SPATA13: variants seen among roughly 807,000 people sequenced by gnomAD.
The protein encoded by SPATA13 is spermatogenesis associated 13.
SPATA13 carries 50 observed loss-of-function variants against 104.0 expected under a neutral mutation model. That is an observed-to-expected ratio of 0.48 (90% CI 0.38 to 0.61). SPATA13 has a LOEUF of 0.61. Among genes scored for constraint, SPATA13 ranks in the 20% least tolerant of loss-of-function variants. The pLI is 0.00. For missense variants in SPATA13, 1,524 were observed against 1,690.6 expected (o/e 0.90, Z 1.73); for synonymous variants, 606 against 667.5 (o/e 0.91, Z 1.42).
intron 3 of SPATA13, chr13:24,122,249 T>G (rs1881053488): frequency 1.5e-6 from 2 of 1,318,252 alleles, no homozygotes; most frequent in Non-Finnish European, 2.2e-6. Context: ...AGTCAGAGCC[T>G]GATACCACAC....
chr13:24,262,749 G>A (rs1165732101), intron 4 of SPATA13, among the ~76,000 whole-genome samples: 2 of 152,150 alleles, frequency 1.3e-5, no homozygotes, highest in Non-Finnish European at 2.9e-5. Context: ...TAACTATACA[G>A]GGGACAAAGG....
chr13:24,303,028 A>C lies in SPATA13; in HGVS notation c.*255A>C, dbSNP rs540116633. The C allele has an allele frequency of 2.8e-5, 15 of 532,284 alleles. No individual in the cohort carries two copies. The highest frequency in any genetic ancestry group is 2.3e-4 in the African/African-American group (12 of 52,638). 33.0% of individuals were successfully genotyped at this position (532,284 alleles called of 1,614,324 possible). A position where few individuals can be genotyped will look rare whatever the true frequency, so the allele number is the denominator to read the frequency against. On this transcript the variant is annotated 3_prime_UTR_variant, in exon 13 of 13. Coordinates refer to ENST00000382108, the MANE Select transcript of SPATA13 (RefSeq NM_001166271.3). ...CCCGTGACCCACTATGAGATGGCCC[A>C]GATGTGGGACCCGGTACCATGCTCT...
intron 3 of SPATA13, among the ~76,000 whole-genome samples, chr13:24,251,285 A>G (rs929220120): frequency 2.0e-5 from 3 of 152,204 alleles, no homozygotes; most frequent in Non-Finnish European, 2.9e-5. Flanking sequence ...CTGAAGAAGG[A>G]TGTGAGGATC....
chr13:24,109,582 T>C (rs2104256), intron 3 of SPATA13, among the ~76,000 whole-genome samples: 10,815 of 152,200 alleles, frequency 0.071, 710 homozygotes, highest in African/African-American at 0.17. Context: ...AAGATAGAGA[T>C]AGAGGCAGAG....
chr13:24,300,411 T>A lies in SPATA13; in HGVS notation c.3594T>A (p.Ile1198=), dbSNP rs774641517. The A allele has an allele frequency of 1.2e-6, 2 of 1,613,058 alleles. No individual in the cohort carries two copies. Among genetic ancestry groups the A allele is most frequent in the South Asian group, 1.1e-5 (1 of 90,830 alleles). The change falls in exon 12 of 13, where the codon ATT becomes ATA. Residue 1198 remains isoleucine (I), a synonymous_variant. Coordinates refer to ENST00000382108, the MANE Select transcript of SPATA13 (RefSeq NM_001166271.3). ...TATTTCTAAATGCAGGAATGGAAATTTCAGAAAACCAGAAGAAACTTGCCA... is the reference window on the plus strand; with the variant it reads ...TATTTCTAAATGCAGGAATGGAAATATCAGAAAACCAGAAGAAACTTGCCA... ...VQEDKEMGME[I]SENQKKLAML...
At chr13:24,035,782 G>A (rs912966405) in intron 3 of SPATA13, among the ~76,000 whole-genome samples, 1 of 152,174 alleles carries the variant, frequency 6.6e-6, no homozygotes, top group African/African-American at 2.4e-5. Flanking sequence ...AGGAGGCCAA[G>A]GCGGGTGGAT....
At chr13:24,122,974 T>A in intron 3 of SPATA13, 5 of 800,130 alleles carry the variant, frequency 6.2e-6, no homozygotes, top group Non-Finnish European at 1.1e-5. Context: ...AGAATTCCCA[T>A]AGCAGTAACT....
chr13:24,108,283 A>C (rs1414859347), intron 3 of SPATA13, among the ~76,000 whole-genome samples: 2 of 152,258 alleles, frequency 1.3e-5, no homozygotes, highest in African/African-American at 4.8e-5. Context: ...TGAATTCGGG[A>C]GACACATTCA....
chr13:24,255,877 C>T (rs543117996), intron 4 of SPATA13, among the ~76,000 whole-genome samples: 2 of 152,182 alleles, frequency 1.3e-5, no homozygotes, highest in African/African-American at 2.4e-5. Flanking sequence ...TTTTGAGACA[C>T]GTTGGGGAGA....
intron 3 of SPATA13, among the ~76,000 whole-genome samples, chr13:24,077,626 TA>T (rs57570010): frequency 0.063 from 9,453 of 149,142 alleles, 424 homozygotes; most frequent in African/African-American, 0.11. Context: ...AAATAAAATT[TA>T]AAAAAAAAAG....
intron 2 of SPATA13, among the ~76,000 whole-genome samples, chr13:24,012,387 G>C (rs9510992): frequency 0.22 from 34,025 of 152,168 alleles, 4,910 homozygotes; most frequent in Non-Finnish European, 0.31. Flanking sequence ...GCAGATGCTC[G>C]TGGTTGGTCA....
At chr13:24,296,855 T>A (rs1327815417) in intron 10 of SPATA13, among the ~76,000 whole-genome samples, 1 of 151,960 alleles carries the variant, frequency 6.6e-6, no homozygotes, top group African/African-American at 2.4e-5. Flanking sequence ...GACCAATAAA[T>A]CCAGGTTTAT....
At chr13:24,122,311 T>C (rs1881056028) in intron 3 of SPATA13, 1 of 1,394,666 alleles carries the variant, frequency 7.2e-7, no homozygotes, top group Non-Finnish European at 1.0e-6. Context: ...ATTCAAACTA[T>C]CGATTTGAAT....
chr13:24,226,328 G>A (rs909256666), intron 2 of SPATA13, among the ~76,000 whole-genome samples: 2 of 152,164 alleles, frequency 1.3e-5, no homozygotes, highest in African/African-American at 2.4e-5. Flanking sequence ...AATTTCCTAG[G>A]AATGAATTAG....
chr13:24,156,590 G>T (rs1882262519), upstream of SPATA13, among the ~76,000 whole-genome samples: 1 of 152,154 alleles, frequency 6.6e-6, no homozygotes, highest in Non-Finnish European at 1.5e-5. Context: ...ACATTATTCT[G>T]TCATCCTAGG....
chr13:24,087,007 C>T lies in SPATA13; in HGVS notation c.-112+69306C>T, dbSNP rs570364133. 4.1e-3 allele frequency among the ~76,000 whole-genome samples: 625 copies of T among 152,296 alleles called. 4 individuals are homozygous for T. The highest frequency in any genetic ancestry group is 6.5e-3 in the Non-Finnish European group (441 of 68,014). On this transcript the variant is annotated intron_variant, in intron 3 of 14. Coordinates refer to the SPATA13 transcript ENST00000424834. ...TGGCCCAAAGTATTAGGAACGTTTT[C>T]TTTTTTTAATAAAGCAGAACAGCAA...
Position 24,249,677 on chromosome 13 carries a change from G to A in SPATA13, c.1854G>A (p.Val618=), listed in dbSNP as rs1167818479. The A allele has an allele frequency of 6.2e-7, 1 of 1,614,196 alleles. No individual in the cohort carries two copies. Among genetic ancestry groups the A allele is most frequent in the Non-Finnish European group, 8.5e-7 (1 of 1,180,018 alleles). The change falls in exon 3 of 13, where the codon GTG becomes GTA. Residue 618 remains valine (V), a synonymous_variant. Transcript: ENST00000382108. The part of the protein sequence containing the change: ...VAADPQKEDR[V]DEDPQASMTS... The stretch of plus-strand genomic sequence containing the variant: ...CAGACCCCCAGAAGGAAGACCGTGT[G>A]GACGAGGACCCCCAGGCAAGCATGA...
chr13:23,982,686 C>T (rs1301048099), intron 1 of SPATA13, among the ~76,000 whole-genome samples: 3 of 152,100 alleles, frequency 2.0e-5, no homozygotes, highest in Non-Finnish European at 1.5e-5. Context: ...TTCATTGAGC[C>T]TTACAACAAC....
intron 1 of SPATA13, chr13:24,162,443 C>T (rs1171987978): frequency 6.4e-6 from 1 of 155,862 alleles, no homozygotes; most frequent in Non-Finnish European, 1.5e-5. Flanking sequence ...CCTCTGTCAC[C>T]TTGCAGACGG....
Sources: allele counts gnomAD v4.1 joint callset (sites outside exome capture counted in the v4.1 genomes callset), GRCh38; gene constraint gnomAD v4.1.1; transcripts MANE v1.5; gene names NCBI Gene and HGNC (gene_info 2026-07-23, HGNC 2026-07-21).